ASAH1: variants seen among roughly 807,000 people sequenced by gnomAD.
ASAH1 encodes the protein acid ceramidase.
A neutral mutation model predicts 59.5 loss-of-function variants in ASAH1; 70 were observed. The observed-to-expected ratio is 1.18, with a 90% CI of 0.97 to 1.43. The LOEUF is 1.43. ASAH1 is among the 40% of genes most tolerant of loss of function. The pLI, the probability that ASAH1 is intolerant of heterozygous loss-of-function variation, is 0.00. For missense variants in ASAH1, 660 were observed against 482.5 expected (o/e 1.37, Z -3.45); for synonymous variants, 213 against 166.5 (o/e 1.28, Z -2.15).
In ASAH1 at chr8:18,062,345, G is replaced by T. The variant is rs199909023; in HGVS notation, c.582C>A (p.Asn194Lys). The part of the protein sequence containing the change: ...PLTVNLDFQR[N>K]NKTVFKASSF... Reference sequence around the variant, plus strand: ...TTGAAGCCTTGAAGACAGTTTTGTTGTTTCTTTGGAAATCCAAATTCACTG... The same window carrying T: ...TTGAAGCCTTGAAGACAGTTTTGTTTTTTCTTTGGAAATCCAAATTCACTG... The change falls in exon 8 of 14, where the codon AAC becomes AAA. Residue 194 changes from asparagine to lysine, a missense_variant. Asn to Lys is a moderately conservative substitution (Grantham distance 94). Transcript: ENST00000637790. The T allele has an allele frequency of 4.5e-5, 72 of 1,614,030 alleles. 1 individual carries two copies. The South Asian group carries it at 7.1e-4, about 16-fold the overall frequency.
intron 3 of ASAH1, among the ~76,000 whole-genome samples, chr8:18,070,934 A>G (rs1800143903): frequency 6.6e-6 from 1 of 152,174 alleles, no homozygotes; most frequent in African/African-American, 2.4e-5. Flanking sequence ...ATGGCCGGGC[A>G]TGGCGGCTCA....
At chr8:18,074,147 T>C (rs1800292201) in intron 2 of ASAH1, among the ~76,000 whole-genome samples, 2 of 152,176 alleles carry the variant, frequency 1.3e-5, no homozygotes, top group African/African-American at 4.8e-5. Flanking sequence ...AGGCACCTCA[T>C]TAAATGTTCA....
intron 1 of ASAH1, 134 bp from the exon 2 acceptor site, chr8:18,075,721 A>C: frequency 1.3e-6 from 1 of 757,426 alleles, no homozygotes; most frequent in Non-Finnish European, 2.2e-6. Flanking sequence ...AATGCCTCTT[A>C]AAATAAGTCT....
intron 8 of ASAH1, 184 bp from the exon 9 acceptor site, chr8:18,061,924 T>G: frequency 1.5e-6 from 1 of 683,038 alleles, no homozygotes; most frequent in Non-Finnish European, 2.6e-6. Flanking sequence ...GTATGTGAGA[T>G]AAGTAGGTGG....
intron 3 of ASAH1, 109 bp from the exon 4 acceptor site, chr8:18,069,987 T>C (rs2117057028): frequency 5.7e-6 from 4 of 705,682 alleles, no homozygotes; most frequent in Admixed American, 5.5e-5. Context: ...ACAATTTATA[T>C]ATATATTTTT....
chr8:18,083,854 C>T, intron 1 of ASAH1, 127 bp downstream of exon 1: 1 of 1,513,776 alleles, frequency 6.6e-7, no homozygotes, highest in Admixed American at 2.0e-5. Context: ...CACGAAACCA[C>T]AGACCCCCGT....
At chr8:18,059,054 A>G in intron 12 of ASAH1, 163 bp from the exon 13 acceptor site, 3 of 703,706 alleles carry the variant, frequency 4.3e-6, no homozygotes. Flanking sequence ...CACAGGTAAC[A>G]GTTTTAATGG....
intron 2 of ASAH1, among the ~76,000 whole-genome samples, chr8:18,072,653 A>C (rs6586685): frequency 6.6e-6 from 1 of 151,990 alleles, no homozygotes; most frequent in Non-Finnish European, 1.5e-5. Context: ...CTAGAAAAAA[A>C]CTTTTCATCA....
At chr8:18,073,922 T>C (rs1325128632) in intron 2 of ASAH1, among the ~76,000 whole-genome samples, 1 of 152,118 alleles carries the variant, frequency 6.6e-6, no homozygotes, top group African/African-American at 2.4e-5. Context: ...AACATACAAG[T>C]TATGTCCATG....
At chr8:18,075,120 A>G (rs369035737) in intron 2 of ASAH1, among the ~76,000 whole-genome samples, 1 of 146,976 alleles carries the variant, frequency 6.8e-6, no homozygotes, top group African/African-American at 2.5e-5. Flanking sequence ...CTCAGCCTCC[A>G]GAGTAGCTGG....
At chr8:18,062,448 A>G in intron 7 of ASAH1, 25 bp from the exon 8 acceptor site, 1 of 1,613,060 alleles carries the variant, frequency 6.2e-7, no homozygotes, top group Non-Finnish European at 8.5e-7. Flanking sequence ...TTTCAGTGAC[A>G]TTTCAGAAAC....
chr8:18,075,691 ATTGC>A, intron 1 of ASAH1, 104 bp from the exon 2 acceptor site: 1 of 1,057,728 alleles, frequency 9.5e-7, no homozygotes, highest in Non-Finnish European at 1.5e-6. Flanking sequence ...CAAGTCTGAT[ATTGC>A]TCTTTTATAC....
Position 18,059,406 on chromosome 8 carries a change from G to A in ASAH1, c.976C>T (p.His326Tyr), listed in dbSNP as rs762567652. The change falls in exon 12 of 14, where the codon CAT (histidine) becomes TAT (tyrosine). Residue 326 changes from histidine (H) to tyrosine (Y), a missense_variant. Transcript: ENST00000637790. The stretch of plus-strand genomic sequence containing the variant: ...CTGCGATCATCAAGGAAGAAGGGAT[G>A]TTTCCAACGGTCATAATTTGTTTGT... ...VVQTNYDRWK[H>Y]PFFLDDRRTP... 1 of 1,614,198 alleles carries A rather than the reference G, an allele frequency of 6.2e-7. No individual in the cohort carries two copies. The highest frequency in any genetic ancestry group is 8.5e-7 in the Non-Finnish European group (1 of 1,180,034).
At chr8:18,074,681 C>T (rs1250486199) in intron 2 of ASAH1, among the ~76,000 whole-genome samples, 1 of 152,156 alleles carries the variant, frequency 6.6e-6, no homozygotes, top group African/African-American at 2.4e-5. Flanking sequence ...CTCACAGGCC[C>T]ATTTAAACAC....
At chr8:18,060,928 T>A (rs1305373374) in intron 10 of ASAH1, 1 of 173,780 alleles carries the variant, frequency 5.8e-6, no homozygotes, top group African/African-American at 2.4e-5. Flanking sequence ...AATTTTTGTA[T>A]TTTTTATAGA....
Position 18,057,630 on chromosome 8 carries a change from GAA to G in ASAH1, c.1099-9_1099-8del. The G allele has an allele frequency of 3.1e-6, 5 of 1,590,956 alleles. No individual in the cohort carries two copies. Among genetic ancestry groups the G allele is most frequent in the Non-Finnish European group, 4.3e-6 (5 of 1,164,530 alleles). ...AGGTTGTGTATACGGTCAGCTGAAA[GAA>G]AAGTTATTTTTACTTTAAGGACGTT... On this transcript the variant is annotated splice_polypyrimidine_tract_variant and splice_region_variant and intron_variant, in intron 13 of 13. Transcript: ENST00000637790.
chr8:18,059,207 T>C, intron 12 of ASAH1, 134 bp downstream of exon 12: 1 of 1,413,720 alleles, frequency 7.1e-7, no homozygotes, highest in Non-Finnish European at 9.7e-7. Flanking sequence ...AACAAAAAAA[T>C]CAGTGGAGAG....
intron 10 of ASAH1, 38 bp downstream of exon 10, chr8:18,061,339 A>C: frequency 1.3e-6 from 2 of 1,500,422 alleles, no homozygotes. Context: ...GAGTAATTTA[A>C]AATAAATATT....
Position 18,072,058 on chromosome 8 carries a change from ACATC to A in ASAH1, c.126-672_126-669del, listed in dbSNP as rs371112951. Among the ~76,000 whole-genome samples, 684 of 152,376 alleles carry A rather than the reference ACATC, an allele frequency of 4.5e-3. 2 individuals are homozygous for A. The highest frequency in any genetic ancestry group is 0.016 in the African/African-American group (665 of 41,594). On this transcript the variant is annotated intron_variant, in intron 2 of 13. Transcript: ENST00000637790. Reference sequence around the variant, plus strand: ...TGCAGCAATTTCTGAGGATATAGCAACATCCAGTCACTTATCAGTGAAGCTGGGC... The same window carrying A: ...TGCAGCAATTTCTGAGGATATAGCAACAGTCACTTATCAGTGAAGCTGGGC...
Sources: allele counts gnomAD v4.1 joint callset (sites outside exome capture counted in the v4.1 genomes callset), GRCh38; gene constraint gnomAD v4.1.1; transcripts MANE v1.5; gene names NCBI Gene and HGNC (gene_info 2026-07-23, HGNC 2026-07-21).